Variants in ARSB observed in about 807,000 individuals in gnomAD.
The protein encoded by ARSB is arylsulfatase B.
In ARSB, 41 loss-of-function variants were observed where a neutral mutation model predicts 50.9. The ratio of observed to expected loss-of-function variants is 0.81; its 90% CI spans 0.63 to 1.04. The LOEUF (loss-of-function observed/expected upper bound fraction) is 1.04, where lower values mean the gene tolerates loss of function less well. Among genes scored for constraint, ARSB ranks in the 50% least tolerant of loss-of-function variants. The pLI is 0.00. For missense variants in ARSB, 672 were observed against 693.3 expected (o/e 0.97, Z 0.35); for synonymous variants, 269 against 284.8 (o/e 0.94, Z 0.56).
intron 5 of ARSB, among the ~76,000 whole-genome samples, chr5:78,844,764 T>C (rs1308702992): frequency 1.3e-5 from 2 of 152,144 alleles, no homozygotes; most frequent in South Asian, 4.1e-4. Context: ...TTAATTGACA[T>C]ATAAATATAC....
At chr5:78,923,324 C>G (rs1749911285) in intron 4 of ARSB, among the ~76,000 whole-genome samples, 1 of 152,256 alleles carries the variant, frequency 6.6e-6, no homozygotes, top group African/African-American at 2.4e-5. Flanking sequence ...TCCCAGCACA[C>G]CTGGGTTATG....
At chr5:78,955,786 T>A (rs1016924982) in intron 3 of ARSB, among the ~76,000 whole-genome samples, 4 of 152,180 alleles carry the variant, frequency 2.6e-5, no homozygotes, top group Non-Finnish European at 4.4e-5. Flanking sequence ...GTAAAGACAG[T>A]CAACATCATC....
Position 78,947,644 on chromosome 5 carries a change from G to A in ARSB, c.898+7651C>T, listed in dbSNP as rs538574253. 5.9e-5 allele frequency among the ~76,000 whole-genome samples: 9 copies of A among 152,274 alleles called. No individual in the cohort carries two copies. The East Asian group carries it at 9.6e-4, about 16-fold the overall frequency. ...AAGACAGGTAATAATGAATGCTGGC[G>A]AGGATGTGGAGAAAAGGGTACTTTT... On this transcript the variant is annotated intron_variant, in intron 4 of 7. Coordinates refer to ENST00000264914, the MANE Select transcript of ARSB (RefSeq NM_000046.5).
intron 6 of ARSB, among the ~76,000 whole-genome samples, chr5:78,795,625 C>T (rs1743150346): frequency 6.6e-6 from 1 of 152,186 alleles, no homozygotes; most frequent in African/African-American, 2.4e-5. Flanking sequence ...ACTTAGAATC[C>T]TGTCTGTCCT....
chr5:78,958,686 G>A (rs1376560701), intron 3 of ARSB, among the ~76,000 whole-genome samples: 1 of 151,954 alleles, frequency 6.6e-6, no homozygotes, highest in Non-Finnish European at 1.5e-5. Context: ...CTGTTTCTTA[G>A]ATTATAGAGT....
chr5:78,786,449 G>A (rs1378177009), intron 6 of ARSB, among the ~76,000 whole-genome samples: 3 of 151,956 alleles, frequency 2.0e-5, no homozygotes, highest in Admixed American at 6.6e-5. Context: ...TGGCGACTAC[G>A]AGTAATGTAC....
In ARSB at chr5:78,903,014, G is replaced by C. The variant is rs188340347; in HGVS notation, c.899-17187C>G. 9.6e-4 allele frequency among the ~76,000 whole-genome samples: 146 copies of C among 152,306 alleles called. 3 individuals carry two copies. The Middle Eastern group carries it at 0.02, about 21-fold the overall frequency. On this transcript the variant is annotated intron_variant, in intron 4 of 7. Transcript: ENST00000264914. ...CAGCTAAAACCATAAAACTTTTATA[G>C]AAAAACAGAGAATAGGTCTTAGAAT...
intron 5 of ARSB, among the ~76,000 whole-genome samples, chr5:78,849,997 T>C (rs1280179677): frequency 1.3e-5 from 2 of 151,748 alleles, no homozygotes; most frequent in Admixed American, 1.3e-4. Flanking sequence ...TACAATCATG[T>C]CATCTGCAAA....
chr5:78,882,060 C>T (rs1028680695), intron 5 of ARSB, among the ~76,000 whole-genome samples: 2 of 152,240 alleles, frequency 1.3e-5, no homozygotes, highest in African/African-American at 4.8e-5. Flanking sequence ...GGATTCTTCT[C>T]GGCCTCTCTG....
At chr5:78,935,131 T>C (rs1349307636) in intron 4 of ARSB, among the ~76,000 whole-genome samples, 9 of 152,002 alleles carry the variant, frequency 5.9e-5, no homozygotes, top group Admixed American at 1.3e-4. Context: ...CAAAATCATA[T>C]CCAATAGCTT....
intron 7 of ARSB, among the ~76,000 whole-genome samples, chr5:78,781,323 CTTTTTTTTT>C (rs376851173): frequency 4.4e-4 from 33 of 75,352 alleles, no homozygotes; most frequent in Admixed American, 2.0e-3. Context: ...CTCTCTCTCT[CTTTTTTTTT>C]TTTTTTTTTT....
intron 6 of ARSB, among the ~76,000 whole-genome samples, chr5:78,801,372 G>A (rs1743387970): frequency 6.6e-6 from 1 of 152,160 alleles, no homozygotes; most frequent in African/African-American, 2.4e-5. Flanking sequence ...GTCCAGGGTT[G>A]GATTGGTCAA....
chr5:78,866,638 A>C (rs1164028373), intron 5 of ARSB, among the ~76,000 whole-genome samples: 4 of 152,210 alleles, frequency 2.6e-5, no homozygotes, highest in Non-Finnish European at 5.9e-5. Flanking sequence ...AGTGTGCAGG[A>C]CGAGAGTGGC....
At chr5:78,880,793 GT>G (rs913293068) in intron 5 of ARSB, among the ~76,000 whole-genome samples, 132 of 152,208 alleles carry the variant, frequency 8.7e-4, no homozygotes, top group African/African-American at 2.8e-3. Flanking sequence ...CTAGATTTTT[GT>G]GCCTATGTTT....
intron 6 of ARSB, among the ~76,000 whole-genome samples, chr5:78,838,706 A>T (rs1439587607): frequency 6.6e-6 from 1 of 152,208 alleles, no homozygotes; most frequent in Non-Finnish European, 1.5e-5. Context: ...CACTATGCTG[A>T]GGGCATTAGG....
intron 4 of ARSB, among the ~76,000 whole-genome samples, chr5:78,950,330 G>T (rs940436783): frequency 2.6e-5 from 4 of 152,186 alleles, no homozygotes; most frequent in Admixed American, 6.5e-5. Flanking sequence ...AAGCTGGGCT[G>T]AGGAAATAAG....
At chr5:78,984,891 C>G in intron 1 of ARSB, 46 bp downstream of exon 1, 1 of 1,263,700 alleles carries the variant, frequency 7.9e-7, no homozygotes, top group South Asian at 2.9e-5. Context: ...AGGGCGCCGG[C>G]GAAAGGCGGG....
intron 1 of ARSB, among the ~76,000 whole-genome samples, chr5:78,975,686 T>G (rs1236014227): frequency 6.6e-6 from 1 of 152,208 alleles, no homozygotes; most frequent in African/African-American, 2.4e-5. Context: ...TCTTTTCAAT[T>G]TCTTAAAAAA....
At chr5:78,965,006 CAATGTT>C (rs1752146376) in intron 2 of ARSB, among the ~76,000 whole-genome samples, 1 of 152,160 alleles carries the variant, frequency 6.6e-6, no homozygotes, top group Non-Finnish European at 1.5e-5. Context: ...AGGATTCAAA[CAATGTT>C]TGTTGTTACT....
Sources: gnomAD v4.1 joint callset for allele counts (sites outside exome capture counted in the v4.1 genomes callset) on GRCh38, gnomAD v4.1.1 for gene constraint, MANE v1.5 for transcripts, NCBI Gene and HGNC (gene_info 2026-07-23, HGNC 2026-07-21) for gene names.